RELB: variants seen among roughly 807,000 people sequenced by gnomAD.
RELB encodes the protein transcription factor RelB.
RELB carries 14 observed loss-of-function variants against 55.4 expected under a neutral mutation model. The ratio of observed to expected loss-of-function variants is 0.25; its 90% CI spans 0.17 to 0.40. The LOEUF is 0.40. Among genes scored for constraint, RELB ranks in the 10% least tolerant of loss-of-function variants. The pLI, the probability that RELB is intolerant of heterozygous loss-of-function variation, is 1.00. For missense variants in RELB, 669 were observed against 830.7 expected, an observed-to-expected ratio of 0.81 and a Z score of 2.39; for synonymous variants, 409 against 371.3, an observed-to-expected ratio of 1.10 and a Z score of -1.17.
At chr19:45,028,766 CT>C in intron 7 of RELB, 121 bp from the exon 8 acceptor site, 1 of 700,362 alleles carries the variant, frequency 1.4e-6, no homozygotes. Flanking sequence ...GATGCCCTGC[CT>C]TTTCAATTCC....
intron 2 of RELB, chr19:45,008,728 G>A (rs369178455): frequency 1.2e-5 from 4 of 336,832 alleles, no homozygotes; most frequent in African/African-American, 4.3e-5. Flanking sequence ...ACAGGTTCGC[G>A]TCTATAAATC....
At chr19:45,014,168 C>CTTTTT (rs113601074) in intron 4 of RELB, among the ~76,000 whole-genome samples, 3 of 126,804 alleles carry the variant, frequency 2.4e-5, no homozygotes, top group African/African-American at 6.2e-5. Context: ...ATTTCTAAGG[C>CTTTTT]TTTTTTTTTT....
At chr19:45,027,401 C>G (rs1642065034) in intron 7 of RELB, among the ~76,000 whole-genome samples, 1 of 152,110 alleles carries the variant, frequency 6.6e-6, no homozygotes, top group African/African-American at 2.4e-5. Context: ...CTCTTTCTGT[C>G]TCTCAGCTGT....
intron 4 of RELB, 38 bp from the exon 5 acceptor site, chr19:45,022,015 G>T: frequency 6.4e-7 from 1 of 1,572,964 alleles, no homozygotes; most frequent in African/African-American, 1.3e-5. Context: ...CGCAGGCATC[G>T]GTGATGGGAC....
intron 2 of RELB, among the ~76,000 whole-genome samples, chr19:45,003,917 T>TTTG (rs1971248872): frequency 1.1e-5 from 1 of 88,652 alleles, no homozygotes; most frequent in Non-Finnish European, 2.0e-5. Flanking sequence ...TTTTTTGTGT[T>TTTG]TTTTTTTTTT....
At chr19:45,029,237 T>C (rs1971593155) in intron 8 of RELB, among the ~76,000 whole-genome samples, 1 of 152,200 alleles carries the variant, frequency 6.6e-6, no homozygotes, top group Non-Finnish European at 1.5e-5. Flanking sequence ...TGCTGCAAGC[T>C]AGGCGGTGCC....
At chr19:45,032,447 A>T in intron 8 of RELB, 87 bp from the exon 9 acceptor site, 1 of 1,084,904 alleles carries the variant, frequency 9.2e-7, no homozygotes, top group South Asian at 1.4e-5. Flanking sequence ...GGGGAATATT[A>T]GTCTTGATTT....
rs1021920393 is a variant in RELB at position 45,035,565 on chromosome 19, C to T, written c.1354+1037C>T. 2.7e-5 allele frequency among the ~76,000 whole-genome samples: 4 copies of T among 150,904 alleles called. No individual in the cohort carries two copies. In the East Asian group the frequency reaches 5.8e-4, roughly 22 times the overall value. ...AAAACAGGCCTGGCACTGTGGCTTA[C>T]GCCTGTAATCCCAGCACTTTGGGAG... On this transcript the variant is annotated intron_variant, in intron 11 of 11. Coordinates refer to ENST00000221452, the MANE Select transcript of RELB (RefSeq NM_006509.4).
intron 9 of RELB, 40 bp from the exon 10 acceptor site, chr19:45,034,204 A>G (rs778611525): frequency 1.4e-6 from 2 of 1,390,632 alleles, no homozygotes; most frequent in Admixed American, 3.6e-5. Flanking sequence ...ATTATTATTG[A>G]TGAATTACTT....
intron 8 of RELB, among the ~76,000 whole-genome samples, chr19:45,030,417 T>C (rs1047191288): frequency 6.6e-6 from 1 of 152,244 alleles, no homozygotes; most frequent in Middle Eastern, 3.4e-3. Context: ...GAATCACTTA[T>C]GGTCAGGAGT....
At chr19:45,004,099 G>A (rs1971252987) in intron 2 of RELB, among the ~76,000 whole-genome samples, 1 of 150,634 alleles carries the variant, frequency 6.6e-6, no homozygotes, top group Admixed American at 6.6e-5. Context: ...TGTGTCTTTA[G>A]TAGAGATGGG....
At chr19:45,002,913 C>CA in intron 1 of RELB, 36 bp from the exon 2 acceptor site, 1 of 1,597,382 alleles carries the variant, frequency 6.3e-7, no homozygotes. Context: ...CTGGCTGCCC[C>CA]CCATCACCTC....
At chr19:45,034,033 C>T (rs1315338676) in intron 9 of RELB, among the ~76,000 whole-genome samples, 1 of 151,912 alleles carries the variant, frequency 6.6e-6, no homozygotes, top group Non-Finnish European at 1.5e-5. Flanking sequence ...GTGGCGCACA[C>T]CTGTAATCCC....
At chr19:45,008,059 A>G (rs1295800378) in intron 2 of RELB, among the ~76,000 whole-genome samples, 1 of 148,056 alleles carries the variant, frequency 6.8e-6, no homozygotes, top group African/African-American at 2.5e-5. Context: ...AATCTCAGCT[A>G]CTCGGGAGGC....
At chr19:45,013,852 G>GAAAAA (rs34450902) in intron 4 of RELB, among the ~76,000 whole-genome samples, 4 of 151,886 alleles carry the variant, frequency 2.6e-5, no homozygotes, top group African/African-American at 9.7e-5. Context: ...AAAAGAAAAA[G>GAAAAA]AAAAAAAGAA....
In RELB at chr19:45,017,926, C is replaced by T. The variant is rs567175717; in HGVS notation, c.505-4127C>T. Among the ~76,000 whole-genome samples the T allele has an allele frequency of 4.7e-5, 7 of 150,480 alleles. No individual in the cohort carries two copies. In the South Asian group the frequency reaches 6.3e-4, roughly 14 times the overall value. ...TCCCAAAGTGCTGGGATTGCAGGCA[C>T]GAACCACCGTGCCCAGCCCTTTTGA... is the stretch of plus-strand genomic sequence containing the variant. On this transcript the variant is annotated intron_variant, in intron 4 of 11. Coordinates refer to ENST00000221452, the MANE Select transcript of RELB (RefSeq NM_006509.4).
intron 2 of RELB, among the ~76,000 whole-genome samples, chr19:45,006,600 G>C (rs1971285089): frequency 6.6e-6 from 1 of 152,074 alleles, no homozygotes; most frequent in Admixed American, 6.6e-5. Context: ...AATGCTCCCA[G>C]TCTATAGGAG....
chr19:45,016,982 G>C (rs766574840), intron 4 of RELB, among the ~76,000 whole-genome samples: 2 of 152,164 alleles, frequency 1.3e-5, no homozygotes, highest in Non-Finnish European at 2.9e-5. Context: ...TGCTGGCTGT[G>C]GGATGGCTGT....
intron 2 of RELB, among the ~76,000 whole-genome samples, chr19:45,006,502 C>T (rs34916003): frequency 0.016 from 2,363 of 151,998 alleles, 66 homozygotes; most frequent in African/African-American, 0.052. Context: ...CTGTGCCCAG[C>T]GAGAAAATCC....
Sources: gnomAD v4.1 joint callset for allele counts (sites outside exome capture counted in the v4.1 genomes callset) on GRCh38, gnomAD v4.1.1 for gene constraint, MANE v1.5 for transcripts, NCBI Gene and HGNC (gene_info 2026-07-23, HGNC 2026-07-21) for gene names.